C13orf42: variants seen among roughly 807,000 people sequenced by gnomAD.
C13orf42 encodes chromosome 13 open reading frame 42.
At chr13:51,139,526 A>C (rs188252766) in intron 1 of C13orf42, among the ~76,000 whole-genome samples, 12 of 152,278 alleles carry the variant, frequency 7.9e-5, no homozygotes, top group African/African-American at 2.6e-4. Context: ...CCAGGAAGTG[A>C]GACATTCTAA....
At chr13:51,085,909 C>T (rs1262350163) in intron 2 of C13orf42, among the ~76,000 whole-genome samples, 2 of 151,976 alleles carry the variant, frequency 1.3e-5, no homozygotes, top group Non-Finnish European at 2.9e-5. Flanking sequence ...ATTAGCCGGG[C>T]GTAGTGGCAG....
rs74085990 is a variant in C13orf42 at position 51,165,603 on chromosome 13, G to A, written n.136+6650C>T. Among the ~76,000 whole-genome samples, 1,343 of 152,302 alleles carry A rather than the reference G, an allele frequency of 8.8e-3. 24 individuals carry two copies. Among genetic ancestry groups the A allele is most frequent in the African/African-American group, 0.031 (1,295 of 41,558 alleles). On this transcript the variant is annotated intron_variant and non_coding_transcript_variant, in intron 1 of 4. Coordinates refer to the C13orf42 transcript ENST00000433280. ...TAAGAAGATGCGGACCCCAGGTGAA[G>A]AAAGCTTCTCCAGAGGGATGACCAG...
chr13:51,145,860 T>C (rs1953730660), intron 1 of C13orf42, among the ~76,000 whole-genome samples: 1 of 152,252 alleles, frequency 6.6e-6, no homozygotes, highest in African/African-American at 2.4e-5. Flanking sequence ...TGACGTCTCA[T>C]GTCTCCTTCA....
chr13:51,106,851 G>C (rs1023577816), intron 1 of C13orf42, among the ~76,000 whole-genome samples: 15 of 152,312 alleles, frequency 9.8e-5, no homozygotes, highest in South Asian at 4.1e-4. Flanking sequence ...TAACCTTTTA[G>C]CACCTAAACA....
intron 1 of C13orf42, among the ~76,000 whole-genome samples, chr13:51,160,171 A>G (rs776208270): frequency 6.6e-6 from 1 of 152,206 alleles, no homozygotes; most frequent in Non-Finnish European, 1.5e-5. Flanking sequence ...GACAGTATTG[A>G]CATTAAGGGT....
rs758884788 is a variant in C13orf42, at chr13:51,085,242, A to G, written c.803+77T>C. On this transcript the variant is annotated intron_variant, in intron 3 of 3. Transcript: ENST00000563710. Reference sequence around the variant, plus strand: ...TATTTGGCATGTAAGATGGGGCTGGAGGCACCTTAAGGATCACCCCAAGCG... The same window carrying G: ...TATTTGGCATGTAAGATGGGGCTGGGGGCACCTTAAGGATCACCCCAAGCG... The G allele has an allele frequency of 6.5e-4, 253 of 389,344 alleles. 1 individual carries two copies. The highest frequency in any genetic ancestry group is 6.5e-4 in the Middle Eastern group (1 of 1,542). The allele number at this position is 389,344 out of a possible 1,614,324, so 24.1% of individuals were successfully genotyped here.
chr13:51,156,305 G>A (rs1191089542), intron 1 of C13orf42, among the ~76,000 whole-genome samples: 10 of 152,198 alleles, frequency 6.6e-5, no homozygotes, highest in Non-Finnish European at 1.2e-4. Context: ...ATTCAACAGA[G>A]TAATCGGTAA....
rs772861372 is a variant in C13orf42, at chr13:51,085,442, CT to C, written c.679del (p.Arg227GlyfsTer106). The C allele has an allele frequency of 1.5e-5, 6 of 398,512 alleles. No homozygotes were observed. Among genetic ancestry groups the C allele is most frequent in the Non-Finnish European group, 2.2e-5 (5 of 226,076 alleles). The allele number at this position is 398,512 out of a possible 1,614,324, so 24.7% of individuals were successfully genotyped here. On this transcript the variant is annotated frameshift_variant, in exon 3 of 4. Transcript: ENST00000563710. LOFTEE classifies it high-confidence loss of function. ...TVHTVDGQFR[R>X]STEHRTVGTQ... is the part of the protein sequence containing the mutation. Reference sequence around the variant, plus strand: ...GCCCACGGTCCTGTGCTCGGTGCTCCTTCGAAACTGGCCGTCTACAGTATGC... The same window carrying C: ...GCCCACGGTCCTGTGCTCGGTGCTCCTCGAAACTGGCCGTCTACAGTATGC...
chr13:51,125,931 AG>A (rs1054373963), intron 1 of C13orf42, among the ~76,000 whole-genome samples: 1 of 152,164 alleles, frequency 6.6e-6, no homozygotes, highest in Non-Finnish European at 1.5e-5. Flanking sequence ...CAAATGCACC[AG>A]GGGGCAGCAC....
At chr13:51,152,259 C>T (rs939814434) in intron 1 of C13orf42, among the ~76,000 whole-genome samples, 4 of 152,250 alleles carry the variant, frequency 2.6e-5, no homozygotes, top group Admixed American at 6.5e-5. Flanking sequence ...ATAGACATCA[C>T]ATACACCATC....
intron 1 of C13orf42, among the ~76,000 whole-genome samples, chr13:51,165,543 ACAAGAGGAAG>A (rs57666360): frequency 0.23 from 35,573 of 151,988 alleles, 4,508 homozygotes; most frequent in Admixed American, 0.32. Context: ...GTAAAGGAGA[ACAAGAGGAAG>A]CAACCAAGGA....
At chr13:51,096,153 G>T (rs1441985983) in intron 1 of C13orf42, among the ~76,000 whole-genome samples, 1 of 152,196 alleles carries the variant, frequency 6.6e-6, no homozygotes, top group Admixed American at 6.5e-5. Context: ...TTTCCAGAGA[G>T]TTTGTCCTCA....
intron 1 of C13orf42, among the ~76,000 whole-genome samples, chr13:51,124,066 G>A (rs569964810): frequency 6.6e-6 from 1 of 152,258 alleles, no homozygotes; most frequent in African/African-American, 2.4e-5. Flanking sequence ...GTGAACCTAG[G>A]ATCCACCTTT....
At position 51,167,938 on chromosome 13, in the gene C13orf42, A is replaced by G. The variant is rs113497098; in HGVS notation, n.136+4315T>C. On this transcript the variant is annotated intron_variant and non_coding_transcript_variant, in intron 1 of 4. Coordinates refer to the C13orf42 transcript ENST00000433280. ...TATGCTCAGAGAATCTTTCAAAATC[A>G]TTTATCTTAAGCTATCCAGCTGCTG... 3.4e-3 allele frequency among the ~76,000 whole-genome samples: 518 copies of G among 152,256 alleles called. 8 individuals carry two copies. The highest frequency in any genetic ancestry group is 0.012 in the African/African-American group (499 of 41,534).
rs193041490 is a variant in C13orf42, at chr13:51,146,730, T to C, written n.136+25523A>G. Among the ~76,000 whole-genome samples the C allele has an allele frequency of 1.4e-3, 210 of 152,340 alleles. 2 individuals carry two copies. The highest frequency in any genetic ancestry group is 4.8e-3 in the African/African-American group (198 of 41,582). ...TGATTAGCTCTTCCAAAGGAGGCAA[T>C]CAAATACACATTTATCTCAGTGAGC... On this transcript the variant is annotated intron_variant and non_coding_transcript_variant, in intron 1 of 4. Transcript: ENST00000433280.
chr13:51,109,584 T>C (rs1267982888), intron 1 of C13orf42, among the ~76,000 whole-genome samples: 1 of 150,616 alleles, frequency 6.6e-6, no homozygotes, highest in East Asian at 1.9e-4. Context: ...CTCCCATCTC[T>C]ACAAAAAAAA....
chr13:51,168,591 C>T (rs1953919192), intron 1 of C13orf42, among the ~76,000 whole-genome samples: 1 of 152,196 alleles, frequency 6.6e-6, no homozygotes, highest in Admixed American at 6.5e-5. Flanking sequence ...AAAGGCAACT[C>T]CCTACAGAGA....
rs183841594 is a variant in C13orf42 at position 51,150,636 on chromosome 13, G to A, written n.136+21617C>T. ...TCTTTCTTTCCAGAAAGCAGCTTTG[G>A]CCATCCTAAAAAATGCAGTGGACTA... On this transcript the variant is annotated intron_variant and non_coding_transcript_variant, in intron 1 of 4. Coordinates refer to the C13orf42 transcript ENST00000433280. Among the ~76,000 whole-genome samples, 262 of 152,242 alleles carry A rather than the reference G, an allele frequency of 1.7e-3. 2 individuals carry two copies. Among genetic ancestry groups the A allele is most frequent in the African/African-American group, 5.5e-3 (230 of 41,540 alleles).
At chr13:51,148,890 C>A (rs551569951) in intron 1 of C13orf42, among the ~76,000 whole-genome samples, 2 of 152,238 alleles carry the variant, frequency 1.3e-5, no homozygotes, top group African/African-American at 4.8e-5. Context: ...CAGGACTCCA[C>A]GGCTCAGGCT....
Sources: gnomAD v4.1 joint callset for allele counts (sites outside exome capture counted in the v4.1 genomes callset) on GRCh38, gnomAD v4.1.1 for gene constraint, MANE v1.5 for transcripts, NCBI Gene and HGNC (gene_info 2026-07-23, HGNC 2026-07-21) for gene names.